The following RAB27B variants were observed in gnomAD, a reference collection of about 807,000 sequenced individuals.
The protein encoded by RAB27B is ras-related protein Rab-27B.
In RAB27B, 15 loss-of-function variants were observed where a neutral mutation model predicts 24.6. The observed-to-expected ratio is 0.61, with a 90% CI of 0.41 to 0.94. The LOEUF (loss-of-function observed/expected upper bound fraction) is 0.94. RAB27B is among the 40% of genes least tolerant of loss of function. The pLI, the probability that RAB27B is intolerant of heterozygous loss-of-function variation, is 0.00. For missense variants in RAB27B, 261 were observed against 266.8 expected (o/e 0.98, Z 0.15); for synonymous variants, 105 against 92.5 (o/e 1.14, Z -0.78).
chr18:54,849,662 A>G (rs890286879), intron 1 of RAB27B, among the ~76,000 whole-genome samples: 34 of 152,224 alleles, frequency 2.2e-4, no homozygotes, highest in African/African-American at 8.2e-4. Context: ...TGGAGGTTGC[A>G]GTGAGCTGAG....
At chr18:54,747,150 G>C (rs56849121) in intron 2 of RAB27B, among the ~76,000 whole-genome samples, 9,445 of 152,016 alleles carry the variant, frequency 0.062, 372 homozygotes, top group Admixed American at 0.086. Context: ...CATAGAGCAG[G>C]ACCTCCTCCC....
chr18:54,850,373 T>G (rs1055801768), intron 1 of RAB27B, among the ~76,000 whole-genome samples: 5 of 141,916 alleles, frequency 3.5e-5, no homozygotes, highest in African/African-American at 8.0e-5. Context: ...TACATACATA[T>G]GTTTAGTTTT....
chr18:54,771,590 T>TTGTGTG (rs1908550482), intron 2 of RAB27B, among the ~76,000 whole-genome samples: 1 of 110,008 alleles, frequency 9.1e-6, no homozygotes, highest in African/African-American at 3.6e-5. Flanking sequence ...GCTGATAGTT[T>TTGTGTG]AGTGTGTGTG....
intron 2 of RAB27B, among the ~76,000 whole-genome samples, chr18:54,775,972 G>C (rs12956375): frequency 0.15 from 23,337 of 152,212 alleles, 2,304 homozygotes; most frequent in East Asian, 0.33. Flanking sequence ...AGACTTGCTG[G>C]CATCTCCACC....
chr18:54,876,044 T>A (rs767312705), intron 1 of RAB27B, among the ~76,000 whole-genome samples: 2 of 152,058 alleles, frequency 1.3e-5, no homozygotes, highest in Non-Finnish European at 2.9e-5. Context: ...TGACTCACAG[T>A]TTAGCGTGGC....
intron 1 of RAB27B, among the ~76,000 whole-genome samples, chr18:54,873,656 A>C (rs930250911): frequency 1.3e-5 from 2 of 151,484 alleles, no homozygotes; most frequent in African/African-American, 2.4e-5. Context: ...AAAATCACAT[A>C]ATAATAAAAA....
intron 2 of RAB27B, among the ~76,000 whole-genome samples, chr18:54,752,514 T>C (rs1907866331): frequency 6.6e-6 from 1 of 152,100 alleles, no homozygotes; most frequent in East Asian, 1.9e-4. Flanking sequence ...TTGAATAAAA[T>C]AGGGAATGTG....
intron 2 of RAB27B, among the ~76,000 whole-genome samples, chr18:54,749,128 C>T (rs1031864610): frequency 6.6e-6 from 1 of 152,118 alleles, no homozygotes; most frequent in African/African-American, 2.4e-5. Flanking sequence ...TGTGATCCTT[C>T]CTGGTTATCT....
At chr18:54,854,410 T>C (rs527975191) in intron 1 of RAB27B, among the ~76,000 whole-genome samples, 2 of 152,340 alleles carry the variant, frequency 1.3e-5, no homozygotes, top group Non-Finnish European at 2.9e-5. Flanking sequence ...CCATTCCAAC[T>C]CTTTCTTTGT....
chr18:54,834,821 G>A (rs1176818896), intron 1 of RAB27B, among the ~76,000 whole-genome samples: 5 of 150,264 alleles, frequency 3.3e-5, no homozygotes, highest in Admixed American at 2.6e-4. Context: ...TTCTGGCTTC[G>A]TTCTAGCACA....
chr18:54,866,927 C>G (rs745508353), intron 1 of RAB27B, among the ~76,000 whole-genome samples: 3 of 151,986 alleles, frequency 2.0e-5, no homozygotes, highest in Non-Finnish European at 2.9e-5. Flanking sequence ...AGGGAGGGTG[C>G]GATGAGTCAG....
chr18:54,818,693 G>A (rs1317365134), intron 2 of RAB27B, among the ~76,000 whole-genome samples: 1 of 152,068 alleles, frequency 6.6e-6, no homozygotes, highest in Non-Finnish European at 1.5e-5. Context: ...ACTAAGACAT[G>A]CATCTGAGAA....
intron 2 of RAB27B, among the ~76,000 whole-genome samples, chr18:54,784,581 T>C (rs765827588): frequency 6.6e-6 from 1 of 152,258 alleles, no homozygotes; most frequent in Non-Finnish European, 1.5e-5. Context: ...TTTCTGTTCC[T>C]GTGTCAATTA....
At chr18:54,880,212 C>G (rs1311380751) in intron 3 of RAB27B, 1 of 151,822 alleles carries the variant, frequency 6.6e-6, no homozygotes, top group Non-Finnish European at 1.5e-5. Flanking sequence ...GAGATCTTGC[C>G]TGGCTTTCCA....
chr18:54,876,101 A>G (rs561218053), intron 1 of RAB27B, among the ~76,000 whole-genome samples: 150 of 152,210 alleles, frequency 9.9e-4, no homozygotes, highest in African/African-American at 3.3e-3. Context: ...GGTGAAGGGA[A>G]AGCTAGGCAC....
rs1172965507 is a variant in RAB27B at position 54,835,841 on chromosome 18, C to A, written c.-20+7141C>A. 8.6e-5 allele frequency among the ~76,000 whole-genome samples: 13 copies of A among 151,988 alleles called. 1 individual carries two copies. The highest frequency in any genetic ancestry group is 3.3e-4 in the Admixed American group (5 of 15,272). On this transcript the variant is annotated intron_variant, in intron 1 of 5. Coordinates refer to ENST00000262094, the MANE Select transcript of RAB27B (RefSeq NM_004163.4). The stretch of plus-strand genomic sequence containing the variant: ...ATTGGCCTATACAATCTCCCCAGAT[C>A]TCCTTTGCTGTATTTTATTTTTTCA...
At chr18:54,822,853 A>G (rs1030745091) in intron 2 of RAB27B, among the ~76,000 whole-genome samples, 3 of 152,232 alleles carry the variant, frequency 2.0e-5, no homozygotes, top group Non-Finnish European at 4.4e-5. Context: ...GACATTCATC[A>G]AGGCTATATG....
chr18:54,813,447 A>T (rs1406511977), intron 2 of RAB27B, among the ~76,000 whole-genome samples: 2 of 152,220 alleles, frequency 1.3e-5, no homozygotes, highest in Non-Finnish European at 2.9e-5. Flanking sequence ...TGGATCCATC[A>T]TGAATGGCTT....
At chr18:54,812,814 CATATAT>C (rs1438214924) in intron 2 of RAB27B, among the ~76,000 whole-genome samples, 1 of 152,088 alleles carries the variant, frequency 6.6e-6, no homozygotes, top group Non-Finnish European at 1.5e-5. Flanking sequence ...TACAAGCACA[CATATAT>C]ATGTATATGT....
Sources: allele counts gnomAD v4.1 joint callset (sites outside exome capture counted in the v4.1 genomes callset), GRCh38; gene constraint gnomAD v4.1.1; transcripts MANE v1.5; gene names NCBI Gene and HGNC (gene_info 2026-07-23, HGNC 2026-07-21).